Variants in ITSN1 observed in about 807,000 individuals in gnomAD.
The protein encoded by ITSN1 is intersectin 1, also known as intersectin-1.
ITSN1 carries 58 observed loss-of-function variants against 239.8 expected under a neutral mutation model. The ratio of observed to expected loss-of-function variants is 0.24; its 90% CI spans 0.20 to 0.30. The LOEUF (loss-of-function observed/expected upper bound fraction) is 0.30, where lower values mean the gene tolerates loss of function less well. ITSN1 is among the 10% of genes least tolerant of loss of function. The probability of loss-of-function intolerance (pLI) is 1.00; values close to 1 mark genes in which losing one functional copy is unlikely to be tolerated. For synonymous variants in ITSN1, 780 were observed against 770.8 expected (o/e 1.01, Z -0.20); for missense variants, 1,558 against 2,103.3 (o/e 0.74, Z 5.07).
Position 33,797,391 on chromosome 21 carries a change from A to G in ITSN1, c.1965A>G (p.Glu655=). ...QKEEAQRRAQ[E]RDKQWLEHVQ... The stretch of plus-strand genomic sequence containing the variant: ...TGTTTGTTGGCAGACGAGCTCAGGA[A>G]AGGGACAAGCAGTGGCTGGAGCATG... Residue 655 remains glutamate, a synonymous_variant, in exon 18 of 40, where the codon GAA becomes GAG. Coordinates refer to ENST00000381318, the MANE Select transcript of ITSN1 (RefSeq NM_003024.3). The surrounding 1 kb of genome is among the most constrained non-coding windows in gnomAD (Gnocchi z 4.9). 1.9e-6 allele frequency: 3 copies of G among 1,613,888 alleles called. No individual in the cohort carries two copies. The highest frequency in any genetic ancestry group is 2.5e-6 in the Non-Finnish European group (3 of 1,179,882).
chr21:33,663,289 C>T (rs1336675603), intron 1 of ITSN1, among the ~76,000 whole-genome samples: 1 of 152,178 alleles, frequency 6.6e-6, no homozygotes, highest in East Asian at 1.9e-4. Context: ...GATATATTAC[C>T]TTTTAGATTT....
intron 33 of ITSN1, among the ~76,000 whole-genome samples, chr21:33,871,179 G>A (rs866172933): frequency 2.0e-5 from 3 of 150,916 alleles, no homozygotes; most frequent in Non-Finnish European, 2.9e-5. Context: ...GGGGAACAAC[G>A]TATATGTTCA....
At chr21:33,873,024 C>G (rs958292518) in intron 33 of ITSN1, among the ~76,000 whole-genome samples, 1 of 152,174 alleles carries the variant, frequency 6.6e-6, no homozygotes, top group Non-Finnish European at 1.5e-5. Flanking sequence ...CATGTTAGAA[C>G]ATCTGGAAAC....
chr21:33,728,476 C>T (rs376625327), intron 4 of ITSN1, among the ~76,000 whole-genome samples: 1 of 152,312 alleles, frequency 6.6e-6, no homozygotes, highest in African/African-American at 2.4e-5. Context: ...GATCCGCCTG[C>T]CTCGGCCTCC....
At chr21:33,756,287 CAAAAAA>C (rs923721086) in intron 8 of ITSN1, among the ~76,000 whole-genome samples, 2 of 56,814 alleles carry the variant, frequency 3.5e-5, no homozygotes, top group Non-Finnish European at 7.6e-5. Context: ...GACTCCGTCT[CAAAAAA>C]AAAAAAAAAA....
At chr21:33,721,102 G>A in intron 2 of ITSN1, 76 bp from the exon 3 acceptor site, 2 of 901,092 alleles carry the variant, frequency 2.2e-6, no homozygotes, top group Non-Finnish European at 3.7e-6. Context: ...TTGAAGTGCT[G>A]TGGAAATAGT....
intron 14 of ITSN1, among the ~76,000 whole-genome samples, chr21:33,777,491 G>A (rs76264600): frequency 0.013 from 1,916 of 152,176 alleles, 24 homozygotes; most frequent in Non-Finnish European, 0.021. Flanking sequence ...AAAATGCTTG[G>A]AATTTTGTTG....
At chr21:33,660,420 A>T (rs1246013743) in intron 1 of ITSN1, among the ~76,000 whole-genome samples, 1 of 152,210 alleles carries the variant, frequency 6.6e-6, no homozygotes, top group Non-Finnish European at 1.5e-5. Flanking sequence ...AGAAATTTAC[A>T]CTTAAAATAG....
intron 1 of ITSN1, among the ~76,000 whole-genome samples, chr21:33,703,898 G>A (rs1471142966): frequency 6.6e-6 from 1 of 152,106 alleles, no homozygotes; most frequent in African/African-American, 2.4e-5. Context: ...AAGAGCTCCG[G>A]GCCCTTAGCC....
chr21:33,768,872 T>C (rs1437988721), intron 11 of ITSN1, among the ~76,000 whole-genome samples: 1 of 152,264 alleles, frequency 6.6e-6, no homozygotes, highest in Non-Finnish European at 1.5e-5. Context: ...CAAGCCTGCA[T>C]GTTGAGCAAA....
At chr21:33,661,924 G>A (rs765937675) in intron 1 of ITSN1, among the ~76,000 whole-genome samples, 6 of 151,796 alleles carry the variant, frequency 4.0e-5, no homozygotes, top group East Asian at 1.9e-4. Flanking sequence ...ACCCAGTCTC[G>A]GTGAAAATGA....
intron 1 of ITSN1, among the ~76,000 whole-genome samples, chr21:33,651,154 A>G (rs1330092892): frequency 6.6e-6 from 1 of 152,226 alleles, no homozygotes; most frequent in Admixed American, 6.5e-5. Flanking sequence ...TGGAGGCCCG[A>G]GGGCTCTGAG....
Position 33,766,031 on chromosome 21 carries a change from G to C in ITSN1, c.926+19G>C. ...CTTTTAGGTAAGGAACATGGGCTCTGATCAGGAATTGTATGCGGAGTATAT... is the reference window on the plus strand; with the variant it reads ...CTTTTAGGTAAGGAACATGGGCTCTCATCAGGAATTGTATGCGGAGTATAT... On this transcript the variant is annotated intron_variant, in intron 10 of 39. Coordinates refer to ENST00000381318, the MANE Select transcript of ITSN1 (RefSeq NM_003024.3). 1 of 1,613,800 alleles carries C rather than the reference G, an allele frequency of 6.2e-7. No individual in the cohort carries two copies. The highest frequency in any genetic ancestry group is 8.5e-7 in the Non-Finnish European group (1 of 1,179,776).
Position 33,817,722 on chromosome 21 carries a change from G to A in ITSN1, c.2728-545G>A, listed in dbSNP as rs192757443. On this transcript the variant is annotated intron_variant, in intron 22 of 39. Coordinates refer to ENST00000381318, the MANE Select transcript of ITSN1 (RefSeq NM_003024.3). ...CAGTGCATGTAGATGTACAATAAAT[G>A]GTAATTACAATGAATTTATGCTAAC... The A allele has an allele frequency of 1.9e-3, 1,862 of 958,666 alleles. 2 individuals are homozygous for A. The highest frequency in any genetic ancestry group is 2.3e-3 in the Non-Finnish European group (1,711 of 733,490). 59.4% of individuals were successfully genotyped at this position (958,666 alleles called of 1,614,324 possible). A position where few individuals can be genotyped will look rare whatever the true frequency, so the allele number is the denominator to read the frequency against.
intron 20 of ITSN1, among the ~76,000 whole-genome samples, chr21:33,809,529 G>A (rs2072737664): frequency 6.6e-6 from 1 of 152,152 alleles, no homozygotes. Flanking sequence ...ACAGATAGAT[G>A]TTTGGTTTGT....
chr21:33,798,264 A>T (rs1602297319), intron 18 of ITSN1, among the ~76,000 whole-genome samples: 1 of 142,370 alleles, frequency 7.0e-6, no homozygotes, highest in South Asian at 2.2e-4. Flanking sequence ...TGCCCAGCTA[A>T]TTTTTTTTTT....
At chr21:33,843,562 A>G (rs148308181) in intron 29 of ITSN1, among the ~76,000 whole-genome samples, 3 of 152,342 alleles carry the variant, frequency 2.0e-5, no homozygotes, top group African/African-American at 4.8e-5. Context: ...ATGGTGCTGT[A>G]TATAACAACA....
chr21:33,841,009 G>A (rs993159851), intron 29 of ITSN1, among the ~76,000 whole-genome samples: 2 of 152,148 alleles, frequency 1.3e-5, no homozygotes, highest in South Asian at 4.1e-4. Context: ...GCAGAGTTGG[G>A]GAGCCATGGT....
At chr21:33,875,902 A>T (rs576985567) in intron 34 of ITSN1, among the ~76,000 whole-genome samples, 1 of 151,128 alleles carries the variant, frequency 6.6e-6, no homozygotes, top group East Asian at 2.0e-4. Context: ...CTGGTCTTGA[A>T]CTCCTGGCCT....
Sources: gnomAD v4.1 joint callset for allele counts (sites outside exome capture counted in the v4.1 genomes callset) on GRCh38, gnomAD v4.1.1 for gene constraint, Gnocchi (gnomAD v3.1) non-coding constraint, MANE v1.5 for transcripts, NCBI Gene and HGNC (gene_info 2026-07-23, HGNC 2026-07-21) for gene names.